COG6: variants seen among roughly 807,000 people sequenced by gnomAD.
COG6 encodes the protein conserved oligomeric Golgi complex subunit 6.
In COG6, 74 loss-of-function variants were observed where a neutral mutation model predicts 88.8. That is an observed-to-expected ratio of 0.83 (90% CI 0.69 to 1.01). The LOEUF is 1.01. COG6 is among the 50% of genes least tolerant of loss of function. COG6 has a pLI of 0.00. For missense variants in COG6, 800 were observed against 797.9 expected, an observed-to-expected ratio of 1.00 and a Z score of -0.03; for synonymous variants, 286 against 278.7, an observed-to-expected ratio of 1.03 and a Z score of -0.26.
chr13:39,679,441 T>C, intron 5 of COG6, 97 bp from the exon 6 acceptor site: 1 of 755,058 alleles, frequency 1.3e-6, no homozygotes, highest in African/African-American at 1.7e-5. Context: ...CTAAAATAGG[T>C]GAAAGAGTTT....
chr13:39,725,225 G>A (rs1006361296), intron 17 of COG6, among the ~76,000 whole-genome samples: 5 of 151,786 alleles, frequency 3.3e-5, no homozygotes, highest in African/African-American at 9.7e-5. Flanking sequence ...ACTAGTAATA[G>A]TAATAATAAT....
chr13:39,657,779 A>G (rs928844431), intron 1 of COG6, among the ~76,000 whole-genome samples: 1 of 152,186 alleles, frequency 6.6e-6, no homozygotes, highest in African/African-American at 2.4e-5. Flanking sequence ...TCTCTCTTCC[A>G]TTCATGTTTT....
chr13:39,740,592 C>T (rs1408657547), intron 18 of COG6, among the ~76,000 whole-genome samples: 1 of 152,110 alleles, frequency 6.6e-6, no homozygotes, highest in Non-Finnish European at 1.5e-5. Context: ...TTAGCTCTTT[C>T]TGTGTTGAGA....
chr13:39,714,564 A>G (rs1462195390), intron 13 of COG6, among the ~76,000 whole-genome samples: 1 of 152,184 alleles, frequency 6.6e-6, no homozygotes, highest in Non-Finnish European at 1.5e-5. Context: ...TTAAAACCAC[A>G]GTGAGACACC....
chr13:39,709,008 A>G (rs1365707270), intron 13 of COG6, among the ~76,000 whole-genome samples: 1 of 152,140 alleles, frequency 6.6e-6, no homozygotes, highest in Non-Finnish European at 1.5e-5. Flanking sequence ...TTAGAAAGGC[A>G]ATATATGGCT....
chr13:39,763,486 A>G (rs1259346834), intron 18 of COG6, among the ~76,000 whole-genome samples: 2 of 151,818 alleles, frequency 1.3e-5, no homozygotes, highest in African/African-American at 4.8e-5. Flanking sequence ...GCTTTATCAA[A>G]TTAAGAAAGT....
intron 8 of COG6, chr13:39,682,551 T>C: frequency 3.1e-6 from 1 of 317,626 alleles, no homozygotes; most frequent in South Asian, 3.5e-5. Context: ...TCTCATTAAC[T>C]CCCTTAGAAT....
chr13:39,776,477 T>C (rs963351203), intron 18 of COG6, among the ~76,000 whole-genome samples: 1 of 152,238 alleles, frequency 6.6e-6, no homozygotes, highest in African/African-American at 2.4e-5. Flanking sequence ...TTGTTAGATA[T>C]TAGCCCTTCT....
At chr13:39,787,965 C>T (rs996738095) in intron 18 of COG6, among the ~76,000 whole-genome samples, 12 of 152,186 alleles carry the variant, frequency 7.9e-5, no homozygotes, top group Non-Finnish European at 1.3e-4. Context: ...GTATATATTT[C>T]ATTTTATTTT....
intron 18 of COG6, among the ~76,000 whole-genome samples, chr13:39,735,303 A>T (rs1879677267): frequency 6.6e-6 from 1 of 152,078 alleles, no homozygotes; most frequent in Non-Finnish European, 1.5e-5. Context: ...GAAGCTTCCA[A>T]ATAATATCTT....
chr13:39,766,307 A>G (rs919987757), intron 18 of COG6, among the ~76,000 whole-genome samples: 5 of 152,190 alleles, frequency 3.3e-5, no homozygotes, highest in African/African-American at 1.2e-4. Flanking sequence ...TTTCTGTTTC[A>G]TAACATTTCA....
At chr13:39,758,389 T>G (rs1210767149) in intron 18 of COG6, among the ~76,000 whole-genome samples, 2 of 152,016 alleles carry the variant, frequency 1.3e-5, no homozygotes, top group African/African-American at 4.8e-5. Flanking sequence ...AGTTCTTCCT[T>G]GAAAAACAAA....
chr13:39,788,191 A>T, intron 18 of COG6: 3 of 828,384 alleles, frequency 3.6e-6, no homozygotes. Context: ...CTTCACACGT[A>T]CTCCACCACA....
rs536692839 is a variant in COG6, at chr13:39,790,578, C to T, written c.*2222C>T. On this transcript the variant is annotated 3_prime_UTR_variant, in exon 19 of 19. Transcript: ENST00000416691. ...ATTTTATAAATTTCTATTTCATCTG[C>T]TTCATAAATTTTGCATTCTCATAAA... 26 of 152,120 alleles carry T rather than the reference C, an allele frequency of 1.7e-4. No individual in the cohort carries two copies. The South Asian group carries it at 5.2e-3, about 30-fold the overall frequency. The allele number at this position is 152,120 out of a possible 1,614,324, so 9.4% of individuals were successfully genotyped here.
intron 11 of COG6, among the ~76,000 whole-genome samples, chr13:39,692,207 A>G (rs564054814): frequency 6.6e-5 from 10 of 152,114 alleles, no homozygotes; most frequent in African/African-American, 2.4e-4. Context: ...GTGGCTCATC[A>G]GCATCAACCC....
At chr13:39,723,702 A>G (rs112326200) in intron 16 of COG6, among the ~76,000 whole-genome samples, 2,507 of 152,186 alleles carry the variant, frequency 0.016, 71 homozygotes, top group African/African-American at 0.058. Context: ...CACAGTATTA[A>G]CAATCCTTTT....
At chr13:39,748,005 G>A (rs1174248292) in intron 18 of COG6, among the ~76,000 whole-genome samples, 1 of 151,968 alleles carries the variant, frequency 6.6e-6, no homozygotes, top group East Asian at 1.9e-4. Flanking sequence ...TTATTTTTGT[G>A]TACTCCTTAT....
intron 15 of COG6, among the ~76,000 whole-genome samples, chr13:39,722,324 AT>A (rs974232014): frequency 6.6e-6 from 1 of 151,596 alleles, no homozygotes; most frequent in African/African-American, 2.4e-5. Flanking sequence ...AAAAAAAAAA[AT>A]GAAAGTACTT....
chr13:39,679,498 C>T (rs374791897), intron 5 of COG6, 40 bp from the exon 6 acceptor site: 14 of 1,132,338 alleles, frequency 1.2e-5, no homozygotes, highest in African/African-American at 1.2e-4. Context: ...TGCAATTTTG[C>T]CTGAAGCATG....
Sources: gnomAD v4.1 joint callset for allele counts (sites outside exome capture counted in the v4.1 genomes callset) on GRCh38, gnomAD v4.1.1 for gene constraint, MANE v1.5 for transcripts, NCBI Gene and HGNC (gene_info 2026-07-23, HGNC 2026-07-21) for gene names.